UGT2A1: variants seen among roughly 807,000 people sequenced by gnomAD.
UGT2A1 encodes UDP-glucuronosyltransferase 2A1.
A neutral mutation model predicts 45.4 loss-of-function variants in UGT2A1; 61 were observed. That is an observed-to-expected ratio of 1.34 (90% CI 1.09 to 1.66). The LOEUF (loss-of-function observed/expected upper bound fraction) is 1.66, where lower values mean the gene tolerates loss of function less well. Ranked by LOEUF, UGT2A1 falls within the 40% of genes most tolerant of loss-of-function variation. The pLI, the probability that UGT2A1 is intolerant of heterozygous loss-of-function variation, is 0.00. For synonymous variants in UGT2A1, 229 were observed against 196.2 expected (o/e 1.17, Z -1.40); for missense variants, 649 against 574.3 (o/e 1.13, Z -1.33).
intron 6 of UGT2A1, among the ~76,000 whole-genome samples, chr4:69,591,475 C>T (rs1242751717): frequency 1.3e-5 from 2 of 152,068 alleles, no homozygotes; most frequent in Non-Finnish European, 2.9e-5. Context: ...TTGTGGAGAT[C>T]CAAGTCCTTA....
At chr4:69,630,353 T>A in intron 3 of UGT2A1, among the ~76,000 whole-genome samples, 1 of 152,064 alleles carries the variant, frequency 6.6e-6, no homozygotes, top group Admixed American at 6.6e-5. Flanking sequence ...TTACTCTTTA[T>A]AACTCCCCAT....
rs866877843 is a variant in UGT2A1 at position 69,603,575 on chromosome 4, T to C, written c.848-4181A>G. ...GAACAAAACTGGACGGAGAATGACT[T>C]TGACGAGCTGAGAGAAGAAGGCTTC... On this transcript the variant is annotated intron_variant, in intron 3 of 6. Transcript: ENST00000286604. 1.5e-5 allele frequency: 2 copies of C among 136,828 alleles called. 1 individual carries two copies. Among genetic ancestry groups the C allele is most frequent in the African/African-American group, 5.9e-5 (2 of 33,730 alleles). The allele number at this position is 136,828 out of a possible 1,614,324, so 8.5% of individuals were successfully genotyped here.
chr4:69,628,233 C>A (rs1053418928), intron 3 of UGT2A1, among the ~76,000 whole-genome samples: 1 of 151,518 alleles, frequency 6.6e-6, no homozygotes, highest in South Asian at 2.1e-4. Flanking sequence ...ATCCCACTGG[C>A]ATTTTTTTAA....
intron 1 of UGT2A1, among the ~76,000 whole-genome samples, chr4:69,648,998 T>C (rs1319835437): frequency 6.6e-6 from 1 of 152,052 alleles, no homozygotes; most frequent in Non-Finnish European, 1.5e-5. Context: ...CAATACAAAA[T>C]TGTGTAACGC....
In UGT2A1 at chr4:69,602,559, AATGAGG is replaced by A. The variant is rs1373934134; in HGVS notation, c.848-3171_848-3166del. On this transcript the variant is annotated intron_variant, in intron 3 of 6. Transcript: ENST00000286604. Reference sequence around the variant, plus strand: ...AAACAATATACAGATAAATCTTCAGAATGAGGAAGAGAAGTTTTAATTTTGCTGAAT... The same window carrying A: ...AAACAATATACAGATAAATCTTCAGAAAGAGAAGTTTTAATTTTGCTGAAT... 1.5e-5 allele frequency among the ~76,000 whole-genome samples: 2 copies of A among 137,538 alleles called. 1 individual carries two copies. Among genetic ancestry groups the A allele is most frequent in the Non-Finnish European group, 3.1e-5 (2 of 64,468 alleles). 90.2% of individuals were successfully genotyped at this position (137,538 alleles called of 152,430 possible). A position where few individuals can be genotyped will look rare whatever the true frequency, so the allele number is the denominator to read the frequency against.
Position 69,588,591 on chromosome 4 carries a change from T to A in UGT2A1, c.*781A>T, listed in dbSNP as rs1718387743. The A allele has an allele frequency of 6.6e-6, 1 of 152,056 alleles. No individual in the cohort carries two copies. The highest frequency in any genetic ancestry group is 1.5e-5 in the Non-Finnish European group (1 of 67,990). The allele number at this position is 152,056 out of a possible 1,614,324, so 9.4% of individuals were successfully genotyped here. ...TAAAAATGATAATTATTTTCTAGATTTCTAATTGTTATATCCTCTAAATAT... is the reference window on the plus strand; with the variant it reads ...TAAAAATGATAATTATTTTCTAGATATCTAATTGTTATATCCTCTAAATAT... On this transcript the variant is annotated 3_prime_UTR_variant, in exon 7 of 7. Transcript: ENST00000286604.
chr4:69,620,353 C>T (rs1720675080), intron 3 of UGT2A1, among the ~76,000 whole-genome samples: 1 of 134,142 alleles, frequency 7.5e-6, no homozygotes, highest in Non-Finnish European at 1.7e-5. Flanking sequence ...AGCAGAGAAC[C>T]AAATCAGGAA....
chr4:69,633,722 A>G (rs1359833627), intron 3 of UGT2A1, among the ~76,000 whole-genome samples: 2 of 152,186 alleles, frequency 1.3e-5, no homozygotes, highest in African/African-American at 4.8e-5. Flanking sequence ...TGATTCAACT[A>G]TATAACGTTT....
At chr4:69,651,413 T>A (rs1722519262) in intron 1 of UGT2A1, among the ~76,000 whole-genome samples, 1 of 152,104 alleles carries the variant, frequency 6.6e-6, no homozygotes, top group Non-Finnish European at 1.5e-5. Context: ...AAATTAAAAA[T>A]AAAAATAAAC....
At chr4:69,630,129 T>C (rs956795184) in intron 3 of UGT2A1, among the ~76,000 whole-genome samples, 1 of 152,086 alleles carries the variant, frequency 6.6e-6, no homozygotes, top group Non-Finnish European at 1.5e-5. Context: ...ATAACTAAAA[T>C]ACAGCCATAT....
rs750134057 is a variant in UGT2A1 at position 69,647,562 on chromosome 4, A to T, written c.83T>A (p.Met28Lys). The change falls in exon 2 of 7, where the codon ATG becomes AAG. Residue 28 changes from methionine (M) to lysine (K), a missense_variant. Coordinates refer to ENST00000286604, the MANE Select transcript of UGT2A1 (RefSeq NM_001252275.3). ...AACATTTAGCCAATGACTACCTTCC[A>T]TTGGCCAAATCAAAACATTCCCACC... ...TLGGNVLIWP[M>K]EGSHWLNVKI... is the part of the protein sequence containing the mutation. 1.2e-6 allele frequency: 2 copies of T among 1,612,214 alleles called. No homozygotes were observed. Among genetic ancestry groups the T allele is most frequent in the Non-Finnish European group, 1.7e-6 (2 of 1,178,992 alleles).
At chr4:69,608,738 C>T (rs1719840168) in intron 3 of UGT2A1, among the ~76,000 whole-genome samples, 1 of 152,012 alleles carries the variant, frequency 6.6e-6, no homozygotes. Flanking sequence ...TCTTGTTGCC[C>T]AGGCTGGAGT....
chr4:69,637,849 A>G (rs1721799458), intron 2 of UGT2A1, among the ~76,000 whole-genome samples: 1 of 151,948 alleles, frequency 6.6e-6, no homozygotes. Flanking sequence ...TTTTTTTTAC[A>G]CAAAGTAAAC....
At chr4:69,611,289 C>T (rs188404482) in intron 3 of UGT2A1, among the ~76,000 whole-genome samples, 1 of 151,508 alleles carries the variant, frequency 6.6e-6, no homozygotes, top group African/African-American at 2.4e-5. Context: ...ACCTCCAAGT[C>T]CAGCTATTCT....
intron 2 of UGT2A1, among the ~76,000 whole-genome samples, chr4:69,640,298 A>T (rs1019392372): frequency 2.0e-5 from 1 of 50,260 alleles, no homozygotes; most frequent in Non-Finnish European, 4.1e-5. Context: ...GAAAAATGAG[A>T]GGTGAGACAT....
intron 6 of UGT2A1, among the ~76,000 whole-genome samples, chr4:69,590,783 A>G (rs963561158): frequency 6.6e-6 from 1 of 152,168 alleles, no homozygotes; most frequent in Non-Finnish European, 1.5e-5. Flanking sequence ...AGAAGAAAGC[A>G]TGTTTTCCTA....
Position 69,599,363 on chromosome 4 carries a change from C to T in UGT2A1, c.879G>A (p.Gly293=). Residue 293 remains glycine (G), a synonymous_variant, in exon 4 of 7, where the codon GGG becomes GGA. Coordinates refer to ENST00000286604, the MANE Select transcript of UGT2A1 (RefSeq NM_001252275.3). ...GRPTTLCETM[G]KAEIWLIRTY... is the part of the protein sequence containing the mutation. ...TTCGGATTAACCAAATTTCAGCTTT[C>T]CCCATAGTCTCACATAACGTAGTGG... The T allele has an allele frequency of 1.2e-6, 2 of 1,613,654 alleles. No homozygotes were observed.
At chr4:69,637,938 G>A (rs904236721) in intron 2 of UGT2A1, among the ~76,000 whole-genome samples, 1 of 136,406 alleles carries the variant, frequency 7.3e-6, no homozygotes, top group Non-Finnish European at 1.5e-5. Context: ...CAGGAAGGAA[G>A]GAAGGAAAGA....
chr4:69,652,093 CCAGT>C (rs1412619297), intron 1 of UGT2A1, among the ~76,000 whole-genome samples: 1 of 152,106 alleles, frequency 6.6e-6, no homozygotes, highest in Non-Finnish European at 1.5e-5. Flanking sequence ...CTGATGCCCC[CCAGT>C]CAAATTCTTA....
Sources: allele counts gnomAD v4.1 joint callset (sites outside exome capture counted in the v4.1 genomes callset), GRCh38; gene constraint gnomAD v4.1.1; transcripts MANE v1.5; gene names NCBI Gene and HGNC (gene_info 2026-07-23, HGNC 2026-07-21).